Variants in GALNT18 observed in about 807,000 individuals in gnomAD.
GALNT18 encodes polypeptide N-acetylgalactosaminyltransferase 18.
GALNT18 carries 44 observed loss-of-function variants against 69.5 expected under a neutral mutation model. The ratio of observed to expected loss-of-function variants is 0.63; its 90% CI spans 0.50 to 0.81. GALNT18 has a LOEUF of 0.81. Ranked by LOEUF, GALNT18 falls within the 40% of genes least tolerant of loss-of-function variation. The probability of loss-of-function intolerance (pLI) is 0.00; values close to 1 mark genes in which losing one functional copy is unlikely to be tolerated. For missense variants in GALNT18, 715 were observed against 810.0 expected (o/e 0.88, Z 1.42); for synonymous variants, 364 against 318.2 (o/e 1.14, Z -1.53).
At chr11:11,292,835 C>G (rs572916145) in intron 10 of GALNT18, among the ~76,000 whole-genome samples, 194 bp downstream of exon 10, 1 of 152,302 alleles carries the variant, frequency 6.6e-6, no homozygotes, top group East Asian at 1.9e-4. Context: ...ATAGTCAACA[C>G]ATGAGACCCA....
At chr11:11,301,145 A>G (rs1013465125) in intron 9 of GALNT18, among the ~76,000 whole-genome samples, 1 of 152,114 alleles carries the variant, frequency 6.6e-6, no homozygotes, top group Non-Finnish European at 1.5e-5. Flanking sequence ...TCACCCTCTC[A>G]TCTCTGTGCC....
chr11:11,609,899 T>G (rs1165463816), intron 1 of GALNT18, among the ~76,000 whole-genome samples: 1 of 152,130 alleles, frequency 6.6e-6, no homozygotes, highest in Admixed American at 6.5e-5. Flanking sequence ...TATGGTCCCC[T>G]ACCCCACCCC....
chr11:11,533,596 C>T (rs924942929), intron 1 of GALNT18, among the ~76,000 whole-genome samples: 3 of 152,204 alleles, frequency 2.0e-5, no homozygotes, highest in Non-Finnish European at 2.9e-5. Context: ...GCACCCCACT[C>T]TCTCCACACT....
chr11:11,483,105 C>A (rs1856568091), intron 1 of GALNT18, among the ~76,000 whole-genome samples: 1 of 152,198 alleles, frequency 6.6e-6, no homozygotes, highest in Non-Finnish European at 1.5e-5. Flanking sequence ...AGTCTGAAAT[C>A]CTGAGCACCT....
chr11:11,422,780 G>T (rs754870631), intron 3 of GALNT18, among the ~76,000 whole-genome samples: 4 of 152,044 alleles, frequency 2.6e-5, no homozygotes, highest in African/African-American at 9.7e-5. Context: ...GGTTCTGCAG[G>T]GGGTGGGGAA....
intron 6 of GALNT18, among the ~76,000 whole-genome samples, chr11:11,355,791 TA>T (rs962464972): frequency 5.3e-5 from 8 of 152,160 alleles, no homozygotes; most frequent in African/African-American, 1.9e-4. Flanking sequence ...GCCTGAGGAA[TA>T]AAACAGAGCA....
rs1858568195 is a variant in GALNT18 at position 11,563,585 on chromosome 11, A to G, written c.235+57774T>C. On this transcript the variant is annotated intron_variant, in intron 1 of 10. Transcript: ENST00000227756. This position sits in a 1 kb window ranked among gnomAD's most constrained non-coding sequence, Gnocchi z 4.6. ...GAGGGCTGTATCATCTCATCTGACT[A>G]TCACTCCATCCTCATGTCACAAGTG... 1.3e-5 allele frequency among the ~76,000 whole-genome samples: 2 copies of G among 152,168 alleles called. No individual in the cohort carries two copies. Among genetic ancestry groups the G allele is most frequent in the African/African-American group, 2.4e-5 (1 of 41,444 alleles).
rs1397780506 is a variant in GALNT18 at position 11,597,861 on chromosome 11, C to T, written c.235+23498G>A. Among the ~76,000 whole-genome samples, 8 of 152,040 alleles carry T rather than the reference C, an allele frequency of 5.3e-5. No individual in the cohort carries two copies. The South Asian group carries it at 1.0e-3, about 20-fold the overall frequency. On this transcript the variant is annotated intron_variant, in intron 1 of 10. Transcript: ENST00000227756. ...ATTTTTAGTAGAAATGGGGTTTCAC[C>T]GTGTTAGCCAGGATGGTCTCGATCT... is the stretch of plus-strand genomic sequence containing the variant.
chr11:11,597,314 T>C (rs183884085), intron 1 of GALNT18, among the ~76,000 whole-genome samples: 18 of 152,372 alleles, frequency 1.2e-4, no homozygotes, highest in African/African-American at 4.3e-4. Flanking sequence ...TAAAATGAGT[T>C]GACAAGTGTT....
rs1394136132 is a variant in GALNT18, at chr11:11,377,679, A to G, written c.780-300T>C. On this transcript the variant is annotated intron_variant, in intron 4 of 10. Coordinates refer to ENST00000227756, the MANE Select transcript of GALNT18 (RefSeq NM_198516.3). The surrounding 1 kb of genome is among the most constrained non-coding windows in gnomAD (Gnocchi z 4.6). ...TTCCCTTTCTCCATTAGAAAAAAAA[A>G]AAATCAAGACTCAAAAAAGAAGAAA... Among the ~76,000 whole-genome samples the G allele has an allele frequency of 1.3e-5, 2 of 151,736 alleles. No individual in the cohort carries two copies. Among genetic ancestry groups the G allele is most frequent in the African/African-American group, 2.4e-5 (1 of 41,292 alleles).
chr11:11,277,137 G>T (rs756126681), intron 10 of GALNT18, among the ~76,000 whole-genome samples: 62 of 152,286 alleles, frequency 4.1e-4, no homozygotes, highest in Non-Finnish European at 4.9e-4. Context: ...AATCCGTCTG[G>T]TCCTGGACTT....
intron 1 of GALNT18, among the ~76,000 whole-genome samples, chr11:11,589,169 G>A (rs112159125): frequency 0.024 from 3,691 of 152,300 alleles, 158 homozygotes; most frequent in African/African-American, 0.085. Context: ...GGAGTGGAGG[G>A]AGAAGCCAGG....
In GALNT18 at chr11:11,619,430, A is replaced by G. The variant is rs1005360062; in HGVS notation, c.235+1929T>C. On this transcript the variant is annotated intron_variant, in intron 1 of 10. Transcript: ENST00000227756. The surrounding 1 kb of genome is among the most constrained non-coding windows in gnomAD (Gnocchi z 4.9). ...TTCAACTTCAACATCATGCTTTTCC[A>G]TGTGGAACCTTAGAAATCATGTGAC... is the stretch of plus-strand genomic sequence containing the variant. Among the ~76,000 whole-genome samples, 4 of 152,138 alleles carry G rather than the reference A, an allele frequency of 2.6e-5. No individual in the cohort carries two copies. Among genetic ancestry groups the G allele is most frequent in the Non-Finnish European group, 5.9e-5 (4 of 68,036 alleles).
At chr11:11,288,532 C>G (rs1191072644) in intron 10 of GALNT18, among the ~76,000 whole-genome samples, 1 of 152,138 alleles carries the variant, frequency 6.6e-6, no homozygotes, top group Admixed American at 6.5e-5. Flanking sequence ...CCCATGAGCT[C>G]CTTGAGGGCA....
In GALNT18 at chr11:11,458,804, C is replaced by T. The variant is rs77376608; in HGVS notation, c.236-9868G>A. ...CTCCCCTGTCTTCCAAACACCCAGC[C>T]TTGAGATCCAAATCCCAGCCTTTGT... On this transcript the variant is annotated intron_variant, in intron 1 of 10. Transcript: ENST00000227756. Among the ~76,000 whole-genome samples, 680 of 152,340 alleles carry T rather than the reference C, an allele frequency of 4.5e-3. 5 individuals are homozygous for T. The highest frequency in any genetic ancestry group is 0.016 in the African/African-American group (658 of 41,584).
At chr11:11,572,680 A>G (rs2133999844) in intron 1 of GALNT18, among the ~76,000 whole-genome samples, 1 of 152,316 alleles carries the variant, frequency 6.6e-6, no homozygotes, top group Admixed American at 6.5e-5. Context: ...TGAACATTCA[A>G]CATGGCTGCC....
Position 11,377,033 on chromosome 11 carries a change from C to A in GALNT18, c.977+149G>T. 1 of 659,704 alleles carries A rather than the reference C, an allele frequency of 1.5e-6. No homozygotes were observed. Among genetic ancestry groups the A allele is most frequent in the Non-Finnish European group, 2.6e-6 (1 of 382,478 alleles). The allele number at this position is 659,704 out of a possible 1,614,324, so 40.9% of individuals were successfully genotyped here. A position where few individuals can be genotyped will look rare whatever the true frequency, so the allele number is the denominator to read the frequency against. Reference sequence around the variant, plus strand: ...AGATCTTCAGAGCCTGTGGCAGTGACTGAAGATCAGACTGCAGTTCCTTTC... The same window carrying A: ...AGATCTTCAGAGCCTGTGGCAGTGAATGAAGATCAGACTGCAGTTCCTTTC... On this transcript the variant is annotated intron_variant, in intron 5 of 10. Coordinates refer to ENST00000227756, the MANE Select transcript of GALNT18 (RefSeq NM_198516.3). This position sits in a 1 kb window ranked among gnomAD's most constrained non-coding sequence, Gnocchi z 4.6.
At chr11:11,280,489 C>T (rs987188399) in intron 10 of GALNT18, among the ~76,000 whole-genome samples, 4 of 152,092 alleles carry the variant, frequency 2.6e-5, no homozygotes, top group Admixed American at 6.5e-5. Context: ...TTCCACTGCG[C>T]TAAAATCCTT....
rs1854074715 is a variant in GALNT18 at position 11,387,037 on chromosome 11, A to G, written c.596-7773T>C. On this transcript the variant is annotated intron_variant, in intron 3 of 10. Transcript: ENST00000227756. This position sits in a 1 kb window ranked among gnomAD's most constrained non-coding sequence, Gnocchi z 4.6. ...CAAACTTGGTTACAACTGAAATACA[A>G]AGGTGGGCTTTATAACGGAGTACAA... is the stretch of plus-strand genomic sequence containing the variant. Among the ~76,000 whole-genome samples the G allele has an allele frequency of 1.3e-5, 2 of 152,210 alleles. No homozygotes were observed. The highest frequency in any genetic ancestry group is 4.1e-4 in the South Asian group (2 of 4,828).
Sources: allele counts gnomAD v4.1 joint callset (sites outside exome capture counted in the v4.1 genomes callset), GRCh38; gene constraint gnomAD v4.1.1; non-coding constraint Gnocchi (gnomAD v3.1); transcripts MANE v1.5; gene names NCBI Gene and HGNC (gene_info 2026-07-23, HGNC 2026-07-21).